Variants in PLEKHA7 observed in about 807,000 individuals in gnomAD.
The protein encoded by PLEKHA7 is pleckstrin homology domain containing A7.
In PLEKHA7, 104 loss-of-function variants were observed where a neutral mutation model predicts 170.0. That is an observed-to-expected ratio of 0.61 (90% CI 0.52 to 0.72). The LOEUF is 0.72. Ranked by LOEUF, PLEKHA7 falls within the 30% of genes least tolerant of loss-of-function variation. PLEKHA7 has a pLI of 0.00. For synonymous variants in PLEKHA7, 648 were observed against 660.8 expected (o/e 0.98, Z 0.30); for missense variants, 1,615 against 1,671.7 (o/e 0.97, Z 0.59).
chr11:16,818,256 G>T (rs913122476), intron 10 of PLEKHA7, among the ~76,000 whole-genome samples: 1 of 152,180 alleles, frequency 6.6e-6, no homozygotes, highest in East Asian at 1.9e-4. Flanking sequence ...TTCCTTACTT[G>T]TAACAGGAGG....
chr11:16,788,577 G>A, intron 23 of PLEKHA7: 1 of 160,662 alleles, frequency 6.2e-6, no homozygotes, highest in Non-Finnish European at 1.4e-5. Context: ...GGCAGCACAG[G>A]CCTCCCCAGC....
chr11:16,924,337 C>T (rs1208520062), intron 3 of PLEKHA7, among the ~76,000 whole-genome samples: 4 of 152,226 alleles, frequency 2.6e-5, no homozygotes, highest in Non-Finnish European at 5.9e-5. Context: ...CTGCCCACAG[C>T]CCCCAGGCCT....
intron 3 of PLEKHA7, among the ~76,000 whole-genome samples, chr11:16,919,318 T>C (rs1232200063): frequency 6.6e-6 from 1 of 152,178 alleles, no homozygotes; most frequent in Non-Finnish European, 1.5e-5. Context: ...GGTCCTCACT[T>C]AACTAAAAAC....
intron 3 of PLEKHA7, among the ~76,000 whole-genome samples, chr11:16,994,915 T>C (rs1864252147): frequency 6.6e-6 from 1 of 152,152 alleles, no homozygotes; most frequent in African/African-American, 2.4e-5. Flanking sequence ...CTGGGCTCCT[T>C]GAGGACACCA....
chr11:16,979,027 T>TTTGTTG (rs899165571), intron 3 of PLEKHA7, among the ~76,000 whole-genome samples: 1 of 151,964 alleles, frequency 6.6e-6, no homozygotes, highest in African/African-American at 2.4e-5. Flanking sequence ...ACCTGATTCT[T>TTTGTTG]TTGTTGTTGT....
Position 16,789,611 on chromosome 11 carries a change from G to A in PLEKHA7, c.3156+164C>T. 3.1e-6 allele frequency: 2 copies of A among 651,258 alleles called. No homozygotes were observed. The highest frequency in any genetic ancestry group is 3.9e-5 in the South Asian group (2 of 51,586). The allele number at this position is 651,258 out of a possible 1,614,324, so 40.3% of individuals were successfully genotyped here. ...GACAGGCCAGAGAGAAAGGCAGGAT[G>A]CCCTCCTTGGTGGACAGTGGGTGAC... is the stretch of plus-strand genomic sequence containing the variant. On this transcript the variant is annotated intron_variant, in intron 22 of 26. Coordinates refer to ENST00000531066, the MANE Select transcript of PLEKHA7 (RefSeq NM_001329630.2). This position sits in a 1 kb window ranked among gnomAD's most constrained non-coding sequence, Gnocchi z 4.6.
At chr11:16,783,477 A>T (rs1444351272) in intron 25 of PLEKHA7, among the ~76,000 whole-genome samples, 1 of 152,248 alleles carries the variant, frequency 6.6e-6, no homozygotes, top group Non-Finnish European at 1.5e-5. Context: ...GCCCAGGACA[A>T]GAAGCCTCTA....
chr11:16,807,978 T>C (rs1476194528), intron 13 of PLEKHA7, among the ~76,000 whole-genome samples: 1 of 152,222 alleles, frequency 6.6e-6, no homozygotes, highest in Non-Finnish European at 1.5e-5. Context: ...AACTTTAGCA[T>C]GCATCAGAAT....
At chr11:16,906,072 G>A (rs1401612264) in intron 3 of PLEKHA7, among the ~76,000 whole-genome samples, 4 of 152,208 alleles carry the variant, frequency 2.6e-5, no homozygotes, top group Non-Finnish European at 5.9e-5. Context: ...AGCCCTAGAA[G>A]TTCCAGCTGG....
At chr11:16,968,631 G>GA (rs1565165210) in intron 3 of PLEKHA7, among the ~76,000 whole-genome samples, 1 of 152,062 alleles carries the variant, frequency 6.6e-6, no homozygotes, top group Admixed American at 6.5e-5. Context: ...GCTTACAATG[G>GA]AAAAAAACAA....
intron 3 of PLEKHA7, among the ~76,000 whole-genome samples, chr11:16,895,674 G>A (rs1205377119): frequency 6.6e-6 from 1 of 152,170 alleles, no homozygotes; most frequent in East Asian, 1.9e-4. Context: ...ATCTGCCATT[G>A]CAGGGAAAAA....
chr11:16,792,726 T>C lies in PLEKHA7; in HGVS notation c.2746-1527A>G, dbSNP rs572903444. ...TGTTATTTGTTAAATTATATAATCC[T>C]GTTTTATGTCATTTTCAGGATGGAT... On this transcript the variant is annotated intron_variant, in intron 19 of 26. Coordinates refer to ENST00000531066, the MANE Select transcript of PLEKHA7 (RefSeq NM_001329630.2). Among the ~76,000 whole-genome samples the C allele has an allele frequency of 2.6e-5, 4 of 152,356 alleles. 1 individual carries two copies. The South Asian group carries it at 8.3e-4, about 32-fold the overall frequency.
intron 3 of PLEKHA7, among the ~76,000 whole-genome samples, chr11:16,887,574 T>C (rs1856230687): frequency 1.3e-5 from 2 of 152,226 alleles, no homozygotes; most frequent in African/African-American, 4.8e-5. Flanking sequence ...TCGTATTTTT[T>C]TGGTGGAGAC....
At chr11:16,861,518 G>A (rs529112402) in intron 4 of PLEKHA7, among the ~76,000 whole-genome samples, 3 of 152,114 alleles carry the variant, frequency 2.0e-5, no homozygotes, top group Admixed American at 1.3e-4. Context: ...GAGTGGTGGT[G>A]CACGCCTGTA....
intron 16 of PLEKHA7, 25 bp downstream of exon 16, chr11:16,801,643 G>A (rs1356847504): frequency 3.1e-6 from 5 of 1,613,546 alleles, no homozygotes; most frequent in Non-Finnish European, 4.2e-6. Flanking sequence ...TCCTGAGGGA[G>A]ACAGGTCTGC....
chr11:17,011,215 G>A (rs918011548), intron 3 of PLEKHA7, among the ~76,000 whole-genome samples: 2 of 152,110 alleles, frequency 1.3e-5, no homozygotes, highest in African/African-American at 2.4e-5. Flanking sequence ...CCTTCCTCCC[G>A]CCAAATGAAT....
Position 16,966,290 on chromosome 11 carries a change from ATGTG to A in PLEKHA7, c.221+47695_221+47698del, listed in dbSNP as rs112176840. On this transcript the variant is annotated intron_variant, in intron 3 of 26. Coordinates refer to ENST00000531066, the MANE Select transcript of PLEKHA7 (RefSeq NM_001329630.2). ...GGACTGGAGGCATGGTTGTGCATGT[ATGTG>A]TGTGTGTGTGTGTGTGTGTGTGTGT... Among the ~76,000 whole-genome samples, 838 of 149,110 alleles carry A rather than the reference ATGTG, an allele frequency of 5.6e-3. 5 individuals are homozygous for A. The highest frequency in any genetic ancestry group is 8.8e-3 in the Non-Finnish European group (593 of 67,518).
intron 3 of PLEKHA7, among the ~76,000 whole-genome samples, chr11:16,885,292 T>C (rs1855998287): frequency 6.7e-6 from 1 of 150,220 alleles, no homozygotes; most frequent in Non-Finnish European, 1.5e-5. Context: ...ATCAAGCCAC[T>C]GCACTCCAGC....
intron 10 of PLEKHA7, among the ~76,000 whole-genome samples, chr11:16,822,332 GCT>G (rs1432144403): frequency 6.6e-6 from 1 of 151,876 alleles, no homozygotes; most frequent in East Asian, 1.9e-4. Context: ...TGACCCTGTA[GCT>G]CTGTTAAGCA....
Sources: allele counts gnomAD v4.1 joint callset (sites outside exome capture counted in the v4.1 genomes callset), GRCh38; gene constraint gnomAD v4.1.1; non-coding constraint Gnocchi (gnomAD v3.1); transcripts MANE v1.5; gene names NCBI Gene and HGNC (gene_info 2026-07-23, HGNC 2026-07-21).